The following A2ML1 variants were observed in gnomAD, a reference collection of about 807,000 sequenced individuals.
A2ML1 encodes the protein alpha-2-macroglobulin like 1.
A2ML1 carries 161 observed loss-of-function variants against 181.9 expected under a neutral mutation model. That is an observed-to-expected ratio of 0.89 (90% CI 0.78 to 1.01). The LOEUF (loss-of-function observed/expected upper bound fraction) is 1.01. Ranked by LOEUF, A2ML1 falls within the 50% of genes least tolerant of loss-of-function variation. A2ML1 has a pLI of 0.00. For synonymous variants in A2ML1, 663 were observed against 666.8 expected, an observed-to-expected ratio of 0.99 and a Z score of 0.09; for missense variants, 1,670 against 1,768.1, an observed-to-expected ratio of 0.94 and a Z score of 1.00.
chr12:8,863,613 G>GCA (rs200549914), intron 28 of A2ML1, among the ~76,000 whole-genome samples, 181 bp from the exon 29 acceptor site: 1 of 152,090 alleles, frequency 6.6e-6, no homozygotes, highest in Non-Finnish European at 1.5e-5. Context: ...ACACAGGCAC[G>GCA]CACATGCATC....
rs761637700 is a variant in A2ML1 at position 8,833,703 on chromosome 12, G to A, written c.463-959G>A. Among the ~76,000 whole-genome samples, 33 of 152,090 alleles carry A rather than the reference G, an allele frequency of 2.2e-4. 1 individual carries two copies. The highest frequency in any genetic ancestry group is 2.6e-4 in the Admixed American group (4 of 15,264). On this transcript the variant is annotated intron_variant, in intron 4 of 35. Transcript: ENST00000299698. ...GAGCCACCGTGTCTGGCCTAAAGAA[G>A]TGTTTGTTTGTTTTGTTTTGTTTTG...
At chr12:8,848,579 A>T in intron 15 of A2ML1, 141 bp from the exon 16 acceptor site, 1 of 641,236 alleles carries the variant, frequency 1.6e-6, no homozygotes, top group East Asian at 3.1e-5. Flanking sequence ...GGTAATTATG[A>T]CAGAATGAAT....
rs863224954 is a variant in A2ML1, at chr12:8,851,977, G to A, written c.2428G>A (p.Ala810Thr). Residue 810 changes from alanine (A) to threonine (T), a missense_variant, in exon 19 of 36, where the codon GCC becomes ACC. Coordinates refer to ENST00000299698, the MANE Select transcript of A2ML1 (RefSeq NM_144670.6). ...VVRGESFRLT[A>T]TIFNYLKDCI... Reference sequence around the variant, plus strand: ...CCGTGGGGAATCCTTTCGTCTTACTGCCACCATCTTCAATTACCTAAAGGA... The same window carrying A: ...CCGTGGGGAATCCTTTCGTCTTACTACCACCATCTTCAATTACCTAAAGGA... The A allele has an allele frequency of 6.2e-7, 1 of 1,614,082 alleles. No homozygotes were observed. Among genetic ancestry groups the A allele is most frequent in the Non-Finnish European group, 8.5e-7 (1 of 1,180,018 alleles).
At chr12:8,824,379 A>G (rs1942859577) in intron 3 of A2ML1, among the ~76,000 whole-genome samples, 2 of 151,648 alleles carry the variant, frequency 1.3e-5, no homozygotes, top group Admixed American at 6.6e-5. Context: ...TAGCTGGTGT[A>G]TATATATTTA....
At chr12:8,861,415 T>C (rs889168977) in intron 28 of A2ML1, 118 bp downstream of exon 28, 2 of 1,185,562 alleles carry the variant, frequency 1.7e-6, no homozygotes, top group African/African-American at 3.1e-5. Flanking sequence ...TAGTAACAGT[T>C]ATTAAGTCAT....
intron 14 of A2ML1, 103 bp downstream of exon 14, chr12:8,846,325 G>T (rs1943685801): frequency 1.5e-6 from 2 of 1,323,960 alleles, no homozygotes; most frequent in Non-Finnish European, 2.1e-6. Flanking sequence ...AGAAGATAGT[G>T]TTGACGTTGG....
chr12:8,860,202 C>T (rs1040653723), intron 26 of A2ML1, among the ~76,000 whole-genome samples: 24 of 152,080 alleles, frequency 1.6e-4, no homozygotes, highest in Middle Eastern at 3.4e-3. Context: ...TGCCACTACA[C>T]CTGGCTAATT....
In A2ML1 at chr12:8,846,169, G is replaced by A. The variant is rs1032646451; in HGVS notation, c.1630G>A (p.Gly544Ser). 1.1e-5 allele frequency: 18 copies of A among 1,614,042 alleles called. No homozygotes were observed. Among genetic ancestry groups the A allele is most frequent in the East Asian group, 4.5e-5 (2 of 44,884 alleles). Residue 544 changes from glycine to serine, a missense_variant, in exon 14 of 36, where the codon GGT becomes AGT. Coordinates refer to ENST00000299698, the MANE Select transcript of A2ML1 (RefSeq NM_144670.6). The part of the protein sequence containing the change: ...LVIYAIFPSG[G>S]VVADKIQFSV... ...GATCTATGCCATTTTTCCCAGTGGAGGTGTTGTAGCTGACAAAATTCAGTT... is the reference window on the plus strand; with the variant it reads ...GATCTATGCCATTTTTCCCAGTGGAAGTGTTGTAGCTGACAAAATTCAGTT...
At chr12:8,878,788 C>T (rs1944840012), downstream of A2ML1, among the ~76,000 whole-genome samples, 1 of 151,980 alleles carries the variant, frequency 6.6e-6, no homozygotes, top group African/African-American at 2.4e-5. This position sits in a 1 kb window ranked among gnomAD's most constrained non-coding sequence, Gnocchi z 4.4. Flanking sequence ...CATGGCAAAA[C>T]TCCATCTCTA....
intron 3 of A2ML1, among the ~76,000 whole-genome samples, chr12:8,824,481 T>C (rs977313150): frequency 5.9e-5 from 9 of 152,110 alleles, no homozygotes; most frequent in African/African-American, 1.9e-4. Context: ...ATTTATCATT[T>C]CCTTGTATTA....
chr12:8,851,445 AC>A (rs1411108041), intron 18 of A2ML1, among the ~76,000 whole-genome samples: 3 of 151,408 alleles, frequency 2.0e-5, no homozygotes, highest in East Asian at 3.9e-4. Context: ...TTGCCCTGTC[AC>A]CCAGGCTGGA....
chr12:8,882,031 T>C (rs1437698791), intron 7 of A2ML1, among the ~76,000 whole-genome samples: 2 of 149,198 alleles, frequency 1.3e-5, no homozygotes, highest in Non-Finnish European at 3.0e-5. Context: ...AAGAAAAAAG[T>C]TTGAGAATGT....
intron 3 of A2ML1, among the ~76,000 whole-genome samples, chr12:8,826,355 GTATTT>G (rs1942928182): frequency 6.6e-6 from 1 of 151,890 alleles, no homozygotes; most frequent in Non-Finnish European, 1.5e-5. Flanking sequence ...TTATTCCTAG[GTATTT>G]TATATTATTT....
intron 4 of A2ML1, among the ~76,000 whole-genome samples, chr12:8,833,257 G>C (rs1428861112): frequency 6.6e-6 from 1 of 152,080 alleles, no homozygotes; most frequent in Non-Finnish European, 1.5e-5. Flanking sequence ...ATGGGCGTGA[G>C]CCACCATGCC....
chr12:8,875,507 C>T (rs1420688141), intron 35 of A2ML1: 1 of 152,198 alleles, frequency 6.6e-6, no homozygotes, highest in Non-Finnish European at 1.5e-5. Context: ...GTGATCTCAG[C>T]TCACTGCAGC....
In A2ML1 at chr12:8,854,800, G is replaced by A. The variant is rs1405650743; in HGVS notation, c.2733G>A (p.Glu911=). ...VLVKPEGVLV[E]KTHSSLLCPK... is the part of the protein sequence containing the mutation. Reference sequence around the variant, plus strand: ...CGCAGCCTGAGGGAGTCCTGGTGGAGAAGACACACAGCTCATTGCTGTGCC... The same window carrying A: ...CGCAGCCTGAGGGAGTCCTGGTGGAAAAGACACACAGCTCATTGCTGTGCC... Residue 911 remains glutamate, a synonymous_variant, in exon 22 of 36, where the codon GAG becomes GAA. Coordinates refer to ENST00000299698, the MANE Select transcript of A2ML1 (RefSeq NM_144670.6). The A allele has an allele frequency of 1.2e-6, 2 of 1,614,042 alleles. No individual in the cohort carries two copies. The highest frequency in any genetic ancestry group is 1.1e-5 in the South Asian group (1 of 91,086).
chr12:8,879,413 C>A (rs376690428), downstream of A2ML1, among the ~76,000 whole-genome samples: 117 of 152,068 alleles, frequency 7.7e-4, 1 homozygote, highest in East Asian at 0.019. Context: ...ATTGCTTGAA[C>A]CCGGGAGGCG....
At chr12:8,868,127 TTCTC>T (rs1220298441) in intron 30 of A2ML1, 70 bp downstream of exon 30, 3 of 1,607,212 alleles carry the variant, frequency 1.9e-6, no homozygotes, top group African/African-American at 1.3e-5. Context: ...CCCTTAGGCC[TTCTC>T]TCTCTCTTTC....
At chr12:8,832,695 C>T (rs1478556407) in intron 4 of A2ML1, among the ~76,000 whole-genome samples, 2 of 152,096 alleles carry the variant, frequency 1.3e-5, no homozygotes, top group Non-Finnish European at 2.9e-5. Context: ...AAAAGGCTGT[C>T]GATTGTTCTG....
Sources: gnomAD v4.1 joint callset for allele counts (sites outside exome capture counted in the v4.1 genomes callset) on GRCh38, gnomAD v4.1.1 for gene constraint, Gnocchi (gnomAD v3.1) non-coding constraint, MANE v1.5 for transcripts, NCBI Gene and HGNC (gene_info 2026-07-23, HGNC 2026-07-21) for gene names.